ZNF254: variants seen among roughly 807,000 people sequenced by gnomAD.
The protein encoded by ZNF254 is CTD-2017D11.1.
ZNF254 carries 10 observed loss-of-function variants against 12.4 expected under a neutral mutation model. That is an observed-to-expected ratio of 0.80 (90% CI 0.50 to 1.36). The LOEUF (loss-of-function observed/expected upper bound fraction) is 1.36. Ranked by LOEUF, ZNF254 falls within the 40% of genes most tolerant of loss-of-function variation. The probability of loss-of-function intolerance (pLI) is 0.00; values close to 1 mark genes in which losing one functional copy is unlikely to be tolerated. For missense variants in ZNF254, 996 were observed against 763.9 expected (o/e 1.30, Z -3.58); for synonymous variants, 305 against 253.4 (o/e 1.20, Z -1.93).
chr19:24,077,275 T>C (rs1428090640), intron 2 of ZNF254, among the ~76,000 whole-genome samples: 1 of 152,222 alleles, frequency 6.6e-6, no homozygotes, highest in East Asian at 1.9e-4. Flanking sequence ...TTCTAAAATG[T>C]ATTAGAAGAC....
chr19:24,120,210 G>C (rs1175328946), intron 3 of ZNF254, among the ~76,000 whole-genome samples: 3 of 152,078 alleles, frequency 2.0e-5, no homozygotes, highest in African/African-American at 7.2e-5. Context: ...TCTATCATGA[G>C]AACAGCACAG....
chr19:24,056,136 A>T (rs1478815985), intron 2 of ZNF254, among the ~76,000 whole-genome samples: 1 of 152,026 alleles, frequency 6.6e-6, no homozygotes, highest in East Asian at 1.9e-4. Context: ...TTACACTTAA[A>T]TGATTTGAGT....
intron 1 of ZNF254, among the ~76,000 whole-genome samples, chr19:24,045,799 A>G (rs1970363581): frequency 6.6e-6 from 1 of 151,896 alleles, no homozygotes; most frequent in Non-Finnish European, 1.5e-5. Flanking sequence ...TTTCTCTACA[A>G]CTCGCTGGGT....
rs1370851151 is a variant in ZNF254, at chr19:24,089,920, G to GT, written c.30+2584dup. On this transcript the variant is annotated intron_variant, in intron 1 of 3. Coordinates refer to ENST00000357002, the MANE Select transcript of ZNF254 (RefSeq NM_203282.4). Reference sequence around the variant, plus strand: ...AAAACAAAAACGAGGGCCAGGCATGGTGGCTCATGCCTGTAATCCCTACAC... The same window carrying GT: ...AAAACAAAAACGAGGGCCAGGCATGGTTGGCTCATGCCTGTAATCCCTACAC... Among the ~76,000 whole-genome samples the GT allele has an allele frequency of 3.9e-5, 6 of 151,920 alleles. No homozygotes were observed. In the East Asian group the frequency reaches 1.2e-3, roughly 29 times the overall value.
At chr19:24,085,427 A>ATATATATATATATATGT (rs1369362234), upstream of ZNF254, among the ~76,000 whole-genome samples, 112 of 42,442 alleles carry the variant, frequency 2.6e-3, 13 homozygotes, top group East Asian at 0.028. Flanking sequence ...TATATATATA[A>ATATATATATATATATGT]AAACTAAGAT....
chr19:24,053,615 G>T (rs1483705337), intron 2 of ZNF254, among the ~76,000 whole-genome samples: 3 of 152,122 alleles, frequency 2.0e-5, no homozygotes, highest in Non-Finnish European at 4.4e-5. Context: ...AGAAGGGATT[G>T]TAATATATTG....
intron 1 of ZNF254, among the ~76,000 whole-genome samples, chr19:24,101,233 G>GT (rs1325092684): frequency 6.6e-6 from 1 of 152,116 alleles, no homozygotes; most frequent in Admixed American, 6.6e-5. Context: ...TCTACTTGCT[G>GT]TAACAGCCAG....
chr19:24,049,172 C>A (rs1337566928), intron 2 of ZNF254, among the ~76,000 whole-genome samples: 1 of 106,778 alleles, frequency 9.4e-6, no homozygotes, highest in Non-Finnish European at 1.9e-5. Flanking sequence ...CTATGTTTTT[C>A]AGGCTCTGGT....
intron 1 of ZNF254, among the ~76,000 whole-genome samples, chr19:24,045,546 T>C (rs1970347236): frequency 6.6e-6 from 1 of 151,606 alleles, no homozygotes; most frequent in African/African-American, 2.4e-5. Context: ...GCGGCGTCTG[T>C]AGTCCCAGCT....
chr19:24,046,399 A>G (rs979814998), intron 2 of ZNF254: 1 of 145,810 alleles, frequency 6.9e-6, no homozygotes, highest in Admixed American at 6.9e-5. Context: ...ATATATATAT[A>G]TGTGCAGATC....
intron 3 of ZNF254, 84 bp from the exon 4 acceptor site, chr19:24,126,170 A>G (rs778882657): frequency 1.0e-6 from 1 of 953,996 alleles, no homozygotes; most frequent in African/African-American, 1.7e-5. Context: ...TGTAGTTTGT[A>G]TAATTTTATA....
intron 2 of ZNF254, chr19:24,080,034 C>T (rs1194826875): frequency 6.6e-6 from 1 of 152,166 alleles, no homozygotes; most frequent in Non-Finnish European, 1.5e-5. Context: ...TCTGGGAGTA[C>T]ATTTTATAAC....
chr19:24,043,741 TCC>T (rs1970266405), intron 1 of ZNF254, among the ~76,000 whole-genome samples: 1 of 151,856 alleles, frequency 6.6e-6, no homozygotes, highest in Non-Finnish European at 1.5e-5. Context: ...TGTTCTACTC[TCC>T]AACTTTTCAT....
At chr19:24,118,228 AT>A (rs1242946305) in intron 3 of ZNF254, among the ~76,000 whole-genome samples, 2 of 151,594 alleles carry the variant, frequency 1.3e-5, no homozygotes, top group Non-Finnish European at 2.9e-5. Context: ...TAATTTTTGT[AT>A]TTTTAGTACA....
In ZNF254 at chr19:24,075,472, C is replaced by T. The variant is rs182721090; in HGVS notation, c.-94+29193C>T. 1.0e-3 allele frequency among the ~76,000 whole-genome samples: 156 copies of T among 152,238 alleles called. 1 individual carries two copies. Among genetic ancestry groups the T allele is most frequent in the African/African-American group, 3.4e-3 (142 of 41,538 alleles). On this transcript the variant is annotated intron_variant, in intron 2 of 4. Transcript: ENST00000613065. The stretch of plus-strand genomic sequence containing the variant: ...TGACATCACATGTCAGCAGGTTCCA[C>T]GATGCCCCCGAGCCGCAAAACCAGC...
At chr19:24,042,898 A>G (rs1053706022) in intron 1 of ZNF254, among the ~76,000 whole-genome samples, 1 of 152,196 alleles carries the variant, frequency 6.6e-6, no homozygotes, top group Admixed American at 6.5e-5. Flanking sequence ...TCTTCACTAT[A>G]AAGTTATTTT....
rs1248882035 is a variant in ZNF254, at chr19:24,087,219, G to A, written c.-89G>A. On this transcript the variant is annotated 5_prime_UTR_variant, in exon 1 of 4. Coordinates refer to ENST00000357002, the MANE Select transcript of ZNF254 (RefSeq NM_203282.4). ...TCTCTCGCTGTCGCCGGAGTCCCAG[G>A]TCTGTCTTCACTGCTCTGTGTCCTC... 5 of 1,578,712 alleles carry A rather than the reference G, an allele frequency of 3.2e-6. No homozygotes were observed. The highest frequency in any genetic ancestry group is 1.3e-5 in the African/African-American group (1 of 74,128).
intron 3 of ZNF254, 104 bp from the exon 4 acceptor site, chr19:24,126,150 A>C: frequency 1.3e-6 from 1 of 768,554 alleles, no homozygotes. Context: ...TTGCAATGCT[A>C]TCTTGTCTAT....
intron 3 of ZNF254, among the ~76,000 whole-genome samples, chr19:24,113,569 G>A (rs1446783022): frequency 1.3e-5 from 2 of 152,098 alleles, no homozygotes; most frequent in African/African-American, 2.4e-5. Flanking sequence ...CAAACCCACA[G>A]CCAATATCAT....
Sources: allele counts gnomAD v4.1 joint callset (sites outside exome capture counted in the v4.1 genomes callset), GRCh38; gene constraint gnomAD v4.1.1; transcripts MANE v1.5; gene names NCBI Gene and HGNC (gene_info 2026-07-23, HGNC 2026-07-21).